Variants in ATL2 observed in about 807,000 individuals in gnomAD.
The protein encoded by ATL2 is atlastin GTPase 2.
ATL2 carries 31 observed loss-of-function variants against 73.9 expected under a neutral mutation model. The observed-to-expected ratio is 0.42, with a 90% CI of 0.32 to 0.57. The LOEUF is 0.57. Among genes scored for constraint, ATL2 ranks in the 20% least tolerant of loss-of-function variants. The pLI, the probability that ATL2 is intolerant of heterozygous loss-of-function variation, is 0.14. For missense variants in ATL2, 738 were observed against 702.6 expected, an observed-to-expected ratio of 1.05 and a Z score of -0.57; for synonymous variants, 291 against 237.5, an observed-to-expected ratio of 1.23 and a Z score of -2.07.
intron 1 of ATL2, among the ~76,000 whole-genome samples, chr2:38,346,710 G>A (rs1175177270): frequency 6.6e-6 from 1 of 152,186 alleles, no homozygotes; most frequent in Non-Finnish European, 1.5e-5. Context: ...TCTGACAGGA[G>A]GCGAAGCTCA....
chr2:38,373,170 G>C lies in ATL2; in HGVS notation c.118+3973C>G, dbSNP rs116439723. ...AGAGCTTAAGTGAAATCACTCATTT[G>C]ATTCCTCATTCTTTTCCCACTACAT... On this transcript the variant is annotated intron_variant, in intron 1 of 12. Coordinates refer to ENST00000378954, the MANE Select transcript of ATL2 (RefSeq NM_001135673.4). 1.4e-3 allele frequency among the ~76,000 whole-genome samples: 208 copies of C among 152,230 alleles called. 3 individuals are homozygous for C. Among genetic ancestry groups the C allele is most frequent in the African/African-American group, 4.8e-3 (200 of 41,548 alleles).
rs560011099 is a variant in ATL2 at position 38,359,360 on chromosome 2, T to C, written c.119-15848A>G. Among the ~76,000 whole-genome samples, 237 of 151,812 alleles carry C rather than the reference T, an allele frequency of 1.6e-3. 3 individuals are homozygous for C. Among genetic ancestry groups the C allele is most frequent in the African/African-American group, 5.5e-3 (228 of 41,350 alleles). ...TGCCACACGCCTGTAATCCCAGCTA[T>C]TTGGGAGGCTGAGGCAGAAGAATCA... On this transcript the variant is annotated intron_variant, in intron 1 of 12. Coordinates refer to ENST00000378954, the MANE Select transcript of ATL2 (RefSeq NM_001135673.4).
At chr2:38,337,108 G>A (rs1324223050) in intron 2 of ATL2, among the ~76,000 whole-genome samples, 1 of 151,674 alleles carries the variant, frequency 6.6e-6, no homozygotes, top group Non-Finnish European at 1.5e-5. Context: ...GAGGGAGGGA[G>A]GGAAACCTAA....
chr2:38,332,724 A>C (rs1231125307), intron 2 of ATL2, among the ~76,000 whole-genome samples: 1 of 152,210 alleles, frequency 6.6e-6, no homozygotes, highest in African/African-American at 2.4e-5. Flanking sequence ...ACACTACCAG[A>C]GTCCAGGGGA....
Position 38,295,933 on chromosome 2 carries a change from G to T in ATL2, c.*61C>A. The T allele has an allele frequency of 7.4e-7, 1 of 1,354,798 alleles. No homozygotes were observed. Among genetic ancestry groups the T allele is most frequent in the Non-Finnish European group, 1.0e-6 (1 of 990,098 alleles). The allele number at this position is 1,354,798 out of a possible 1,614,324, so 83.9% of individuals were successfully genotyped here. On this transcript the variant is annotated 3_prime_UTR_variant, in exon 13 of 13. Coordinates refer to ENST00000378954, the MANE Select transcript of ATL2 (RefSeq NM_001135673.4). ...TAAACTTTGGTTTATTTTTATTTGA[G>T]TTCTCATTGTACAGCAAGCATGAAA...
intron 1 of ATL2, among the ~76,000 whole-genome samples, chr2:38,365,144 CACACACACACACACACACACAAAT>C (rs747042160): frequency 4.4e-4 from 66 of 148,406 alleles, no homozygotes; most frequent in South Asian, 1.3e-3. Flanking sequence ...TACACACACA[CACACACACACACACACACACAAAT>C]ACACACACAC....
intron 1 of ATL2, among the ~76,000 whole-genome samples, chr2:38,373,851 T>G (rs1033191363): frequency 6.6e-6 from 1 of 152,214 alleles, no homozygotes; most frequent in Non-Finnish European, 1.5e-5. Flanking sequence ...CCAAGTATTA[T>G]CCTATTGCCA....
chr2:38,324,515 T>G lies in ATL2; in HGVS notation c.364-5496A>C, dbSNP rs184793209. 5.3e-5 allele frequency among the ~76,000 whole-genome samples: 8 copies of G among 152,364 alleles called. No homozygotes were observed. In the East Asian group the frequency reaches 1.5e-3, roughly 29 times the overall value. ...ATATGTGAGAATACTCTGCAAGTCC[T>G]GGAACAAATTATAAAACATTTAACT... On this transcript the variant is annotated intron_variant, in intron 2 of 12. Transcript: ENST00000378954.
chr2:38,313,628 A>T (rs1164640055), intron 6 of ATL2, among the ~76,000 whole-genome samples: 1 of 152,164 alleles, frequency 6.6e-6, no homozygotes. Context: ...TGGGGTCAAT[A>T]AGGACATTTT....
chr2:38,332,597 C>CTTAAAGTAAA (rs1669064648), intron 2 of ATL2, among the ~76,000 whole-genome samples: 5 of 152,134 alleles, frequency 3.3e-5, no homozygotes, highest in Non-Finnish European at 4.4e-5. Flanking sequence ...AAGTGAATGA[C>CTTAAAGTAAA]TTATATGGTA....
At chr2:38,305,962 T>C (rs1035219653) in intron 9 of ATL2, among the ~76,000 whole-genome samples, 2 of 152,030 alleles carry the variant, frequency 1.3e-5, no homozygotes, top group Non-Finnish European at 2.9e-5. Flanking sequence ...AAGCAAAAAG[T>C]TGATTTTTTA....
rs951586470 is a variant in ATL2, at chr2:38,318,562, A to G, written c.576T>C (p.Ala192=). 1.2e-6 allele frequency: 2 copies of G among 1,611,598 alleles called. No individual in the cohort carries two copies. The highest frequency in any genetic ancestry group is 1.1e-5 in the South Asian group (1 of 90,394). ...STIKDCATVF[A]LSTMTSSVQV... ...GGACAGAGCTAGTCATAGTGCTCAGAGCAAACACCGTTGCACAGTCTTTGA... is the reference window on the plus strand; with the variant it reads ...GGACAGAGCTAGTCATAGTGCTCAGGGCAAACACCGTTGCACAGTCTTTGA... The change falls in exon 4 of 13, where the codon GCT becomes GCC. Residue 192 remains alanine, a synonymous_variant. Coordinates refer to ENST00000378954, the MANE Select transcript of ATL2 (RefSeq NM_001135673.4).
intron 7 of ATL2, among the ~76,000 whole-genome samples, chr2:38,310,765 G>C (rs373822662): frequency 6.6e-6 from 1 of 151,576 alleles, no homozygotes; most frequent in African/African-American, 2.4e-5. Flanking sequence ...AGCCTCCCGA[G>C]TAGCTGGGAT....
intron 12 of ATL2, chr2:38,296,828 C>A: frequency 7.3e-7 from 1 of 1,369,476 alleles, no homozygotes; most frequent in Non-Finnish European, 9.8e-7. Context: ...TTAGATTCTT[C>A]CATTTAATTG....
intron 2 of ATL2, among the ~76,000 whole-genome samples, chr2:38,325,595 A>G (rs946540174): frequency 4.0e-5 from 6 of 148,392 alleles, no homozygotes; most frequent in African/African-American, 1.5e-4. Context: ...CACCCTGGGA[A>G]AGTAACCACT....
At chr2:38,339,648 A>C (rs1669583565) in intron 2 of ATL2, among the ~76,000 whole-genome samples, 1 of 152,170 alleles carries the variant, frequency 6.6e-6, no homozygotes, top group Admixed American at 6.5e-5. Context: ...TAAATGGATA[A>C]GCAAAATGTG....
chr2:38,378,327 G>T (rs60285770), upstream of ATL2, among the ~76,000 whole-genome samples: 1,052 of 152,244 alleles, frequency 6.9e-3, 12 homozygotes, highest in East Asian at 0.058. Flanking sequence ...GGTGGCTCAC[G>T]CCTCCCGGGT....
At chr2:38,337,485 C>CTA (rs1669430957) in intron 2 of ATL2, among the ~76,000 whole-genome samples, 1 of 18,312 alleles carries the variant, frequency 5.5e-5, no homozygotes, top group Non-Finnish European at 1.0e-4. Context: ...GACTCTGTCT[C>CTA]CAAAAAAAAA....
chr2:38,360,456 A>T (rs1292521417), intron 1 of ATL2, among the ~76,000 whole-genome samples: 1 of 151,850 alleles, frequency 6.6e-6, no homozygotes, highest in African/African-American at 2.4e-5. Context: ...CAACTAATTT[A>T]GTTTTTGTAG....
Sources: allele counts gnomAD v4.1 joint callset (sites outside exome capture counted in the v4.1 genomes callset), GRCh38; gene constraint gnomAD v4.1.1; transcripts MANE v1.5; gene names NCBI Gene and HGNC (gene_info 2026-07-23, HGNC 2026-07-21).